ENTREP1: variants seen among roughly 807,000 people sequenced by gnomAD.
ENTREP1 encodes the protein endosomal transmembrane epsin interactor 1.
At chr9:69,336,182 T>C in the ENTREP1 span, 3 of 1,266,344 alleles carry the variant, frequency 2.4e-6, no homozygotes, top group Non-Finnish European at 3.3e-6. Context: ...ATTGGTCCAT[T>C]TTCTATATTT....
chr9:69,373,920 C>T, the ENTREP1 span, among the ~76,000 whole-genome samples: 14 of 152,096 alleles, frequency 9.2e-5, no homozygotes, highest in Admixed American at 2.6e-4. Flanking sequence ...ATGTTATACT[C>T]CAAACAATTT....
the ENTREP1 span, among the ~76,000 whole-genome samples, chr9:69,332,260 T>G: frequency 6.6e-6 from 1 of 152,218 alleles, no homozygotes; most frequent in Non-Finnish European, 1.5e-5. Flanking sequence ...GTGTGTGCCT[T>G]TGTTGCGGGG....
the ENTREP1 span, among the ~76,000 whole-genome samples, chr9:69,329,128 G>T: frequency 6.6e-6 from 1 of 152,188 alleles, no homozygotes; most frequent in African/African-American, 2.4e-5. Context: ...CTAGGTAGTT[G>T]AATGGAAGTG....
chr9:69,329,287 G>A, the ENTREP1 span: 13 of 890,536 alleles, frequency 1.5e-5, no homozygotes, highest in East Asian at 4.8e-4. Flanking sequence ...AATTTTGCTT[G>A]TGTATTTGAT....
At chr9:69,342,254 A>G in the ENTREP1 span, among the ~76,000 whole-genome samples, 1 of 152,154 alleles carries the variant, frequency 6.6e-6, no homozygotes. Flanking sequence ...TTTTATGTAG[A>G]TAAGAGAATA....
chr9:69,359,178 T>G, the ENTREP1 span, among the ~76,000 whole-genome samples: 1 of 152,146 alleles, frequency 6.6e-6, no homozygotes, highest in Non-Finnish European at 1.5e-5. Flanking sequence ...AGTGCTGGGA[T>G]TACAGACGTG....
At chr9:69,386,083 G>A in the ENTREP1 span, 1 of 672,260 alleles carries the variant, frequency 1.5e-6, no homozygotes, top group South Asian at 5.1e-5. Flanking sequence ...GAGGTCTTGG[G>A]AAAGTAAAAT....
At chr9:69,341,755 G>T in the ENTREP1 span, among the ~76,000 whole-genome samples, 1 of 152,188 alleles carries the variant, frequency 6.6e-6, no homozygotes, top group African/African-American at 2.4e-5. Flanking sequence ...TACAAAATGA[G>T]CTGTGAAGCT....
chr9:69,375,602 T>A, the ENTREP1 span: 1 of 687,370 alleles, frequency 1.5e-6, no homozygotes, highest in East Asian at 2.7e-5. Flanking sequence ...CCCTAGCCCA[T>A]CCTGACTGAT....
the ENTREP1 span, chr9:69,377,235 T>C: frequency 1.5e-6 from 1 of 673,142 alleles, no homozygotes; most frequent in Non-Finnish European, 2.7e-6. Flanking sequence ...AAACACCATC[T>C]AAGTCCTTTA....
chr9:69,351,714 C>T, the ENTREP1 span, among the ~76,000 whole-genome samples: 1 of 152,206 alleles, frequency 6.6e-6, no homozygotes, highest in African/African-American at 2.4e-5. Context: ...CCGCACCCAG[C>T]CTCCTTGATT....
chr9:69,358,737 A>G, the ENTREP1 span, among the ~76,000 whole-genome samples: 1 of 152,198 alleles, frequency 6.6e-6, no homozygotes, highest in Non-Finnish European at 1.5e-5. Flanking sequence ...TTTAAATAAA[A>G]ACAACACATG....
the ENTREP1 span, among the ~76,000 whole-genome samples, chr9:69,335,632 C>T: frequency 6.6e-6 from 1 of 152,126 alleles, no homozygotes; most frequent in Non-Finnish European, 1.5e-5. Context: ...TTACCTGTCC[C>T]ATAATGGATG....
chr9:69,325,918 A>G, the ENTREP1 span, among the ~76,000 whole-genome samples: 2 of 152,128 alleles, frequency 1.3e-5, no homozygotes, highest in Non-Finnish European at 2.9e-5. Context: ...GCACCTGGGT[A>G]GTGTCTGTTG....
chr9:69,377,565 C>A, the ENTREP1 span: 2 of 1,612,838 alleles, frequency 1.2e-6, no homozygotes. Flanking sequence ...TCTCCCCGTG[C>A]CTTTGTAATG....
chr9:69,385,763 CT>C, the ENTREP1 span: 28,114 of 1,215,726 alleles, frequency 0.023, 10 homozygotes, highest in Middle Eastern at 0.041. Context: ...TGTTTCGCCT[CT>C]TTTTTTTTTT....
the ENTREP1 span, chr9:69,385,803 A>G: frequency 3.3e-6 from 5 of 1,499,538 alleles, no homozygotes; most frequent in Non-Finnish European, 4.4e-6. Context: ...AGATGGGGAC[A>G]TTCCTAACAT....
At chr9:69,373,270 A>G in the ENTREP1 span, among the ~76,000 whole-genome samples, 1 of 152,152 alleles carries the variant, frequency 6.6e-6, no homozygotes, top group South Asian at 2.1e-4. Flanking sequence ...CAACAGGATC[A>G]TGTTGTAAGT....
chr9:69,334,756 G>C, the ENTREP1 span, among the ~76,000 whole-genome samples: 1 of 151,146 alleles, frequency 6.6e-6, no homozygotes, highest in African/African-American at 2.4e-5. Flanking sequence ...GCAAAATAGT[G>C]GCCCTTTCCT....
Sources: gnomAD v4.1 joint callset for allele counts (sites outside exome capture counted in the v4.1 genomes callset) on GRCh38, gnomAD v4.1.1 for gene constraint, MANE v1.5 for transcripts, NCBI Gene and HGNC (gene_info 2026-07-23, HGNC 2026-07-21) for gene names.